The following DKK4 variants were observed in gnomAD, a reference collection of about 807,000 sequenced individuals.
The protein encoded by DKK4 is dickkopf Wnt signaling pathway inhibitor 4.
DKK4 carries 15 observed loss-of-function variants against 14.5 expected under a neutral mutation model. The observed-to-expected ratio is 1.03, with a 90% CI of 0.69 to 1.59. The LOEUF is 1.59. Among genes scored for constraint, DKK4 ranks in the 40% most tolerant of loss-of-function variants. The probability of loss-of-function intolerance (pLI) is 0.00; values close to 1 mark genes in which losing one functional copy is unlikely to be tolerated. For synonymous variants in DKK4, 89 were observed against 105.2 expected, an observed-to-expected ratio of 0.85 and a Z score of 0.94; for missense variants, 272 against 280.3, an observed-to-expected ratio of 0.97 and a Z score of 0.21.
Position 42,374,134 on chromosome 8 carries a change from C to T in DKK4, c.641G>A (p.Arg214Gln), listed in dbSNP as rs202061584. Residue 214 changes from arginine (R) to glutamine (Q), a missense_variant, in exon 4 of 4, where the codon CGA becomes CAA. Arg to Gln is a conservative substitution (Grantham distance 43). Coordinates refer to ENST00000220812, the MANE Select transcript of DKK4 (RefSeq NM_014420.3). The stretch of plus-strand genomic sequence containing the variant: ...TTCTATTTTTTGGCATACTCTTAAT[C>T]GAGCATGCTGCCGATTGCTGGTCAA... Reference protein sequence around the residue: ...SQLTSNRQHARLRVCQKIEKL With the variant: ...SQLTSNRQHAQLRVCQKIEKL 6.2e-6 allele frequency: 10 copies of T among 1,612,616 alleles called. No individual in the cohort carries two copies. The East Asian group carries it at 6.7e-5, about 11-fold the overall frequency.
chr8:42,376,893 G>T, intron 1 of DKK4, 42 bp downstream of exon 1: 1 of 1,516,504 alleles, frequency 6.6e-7, no homozygotes, highest in Non-Finnish European at 9.1e-7. Context: ...CACCCCAGCT[G>T]TCAGCAGTCC....
At chr8:42,374,483 G>T (rs1310539595) in intron 3 of DKK4, 124 bp from the exon 4 acceptor site, 3 of 1,314,904 alleles carry the variant, frequency 2.3e-6, no homozygotes, top group Non-Finnish European at 3.2e-6. Flanking sequence ...GACACAGCAC[G>T]CAGGTCTCAC....
In DKK4 at chr8:42,375,848, T is replaced by C; in HGVS notation, c.112-18A>G. 1 of 1,612,906 alleles carries C rather than the reference T, an allele frequency of 6.2e-7. No individual in the cohort carries two copies. The highest frequency in any genetic ancestry group is 8.5e-7 in the Non-Finnish European group (1 of 1,179,408). On this transcript the variant is annotated intron_variant, in intron 1 of 3. Coordinates refer to ENST00000220812, the MANE Select transcript of DKK4 (RefSeq NM_014420.3). ...TGTGAGCCCTGTGGAGGGAATCTGTTATCACAAGGCTAGGAAACCCCCAAC... is the reference window on the plus strand; with the variant it reads ...TGTGAGCCCTGTGGAGGGAATCTGTCATCACAAGGCTAGGAAACCCCCAAC...
the DKK4 span, among the ~76,000 whole-genome samples, chr8:42,389,883 C>T: frequency 6.6e-6 from 1 of 151,092 alleles, no homozygotes; most frequent in East Asian, 1.9e-4. Context: ...CCAACGTACA[C>T]TATCCTTAGA....
At chr8:42,383,829 G>A in the DKK4 span, among the ~76,000 whole-genome samples, 1 of 152,128 alleles carries the variant, frequency 6.6e-6, no homozygotes, top group East Asian at 1.9e-4. Context: ...TGTAATCCCC[G>A]CTACTCAGGA....
chr8:42,380,804 AAAGGAAGGAAGG>A (rs71221208), upstream of DKK4, among the ~76,000 whole-genome samples: 100 of 138,240 alleles, frequency 7.2e-4, no homozygotes, highest in African/African-American at 2.5e-3. Flanking sequence ...AAGAAAAAGA[AAAGGAAGGAAGG>A]AAGGAAGGAA....
the DKK4 span, among the ~76,000 whole-genome samples, chr8:42,386,560 C>T: frequency 6.6e-6 from 1 of 152,086 alleles, no homozygotes; most frequent in Non-Finnish European, 1.5e-5. Context: ...GGCGCCATCT[C>T]GGCTCACTGT....
At chr8:42,384,879 A>T in the DKK4 span, among the ~76,000 whole-genome samples, 1 of 152,204 alleles carries the variant, frequency 6.6e-6, no homozygotes, top group African/African-American at 2.4e-5. Flanking sequence ...TAAAATCACA[A>T]GGAACACTGC....
chr8:42,382,651 C>A, the DKK4 span, among the ~76,000 whole-genome samples: 1 of 152,192 alleles, frequency 6.6e-6, no homozygotes, highest in South Asian at 2.1e-4. Flanking sequence ...AGCCGTCGTG[C>A]GAAGTTCTGG....
upstream of DKK4, among the ~76,000 whole-genome samples, chr8:42,380,049 A>G (rs1824644836): frequency 6.6e-6 from 1 of 152,074 alleles, no homozygotes; most frequent in Admixed American, 6.6e-5. Context: ...AAAAAATAAA[A>G]AACCTGGGCA....
chr8:42,375,883 G>T, intron 1 of DKK4, 53 bp from the exon 2 acceptor site: 6 of 1,595,836 alleles, frequency 3.8e-6, no homozygotes, highest in Non-Finnish European at 5.1e-6. Flanking sequence ...CACGATGGAA[G>T]ATGACTTATT....
the DKK4 span, among the ~76,000 whole-genome samples, chr8:42,384,863 A>T: frequency 6.6e-6 from 1 of 152,234 alleles, no homozygotes; most frequent in African/African-American, 2.4e-5. Flanking sequence ...GTTGATGAAA[A>T]CAACATAAAA....
the DKK4 span, among the ~76,000 whole-genome samples, chr8:42,391,273 C>G: frequency 6.6e-6 from 1 of 151,354 alleles, no homozygotes; most frequent in East Asian, 1.9e-4. Flanking sequence ...GGCCTGTGAT[C>G]CCAGCACTCT....
In DKK4 at chr8:42,377,034, G is replaced by A. The variant is rs770378273; in HGVS notation, c.12C>T (p.Ala4=). MVA[A]VLLGLSWLCS... ...AGAGCCAGCTCAGCCCCAGCAGGAC[G>A]GCCGCCACCATCCTTCAATCCCGGG... Residue 4 remains alanine (A), a synonymous_variant, in exon 1 of 4, where the codon GCC becomes GCT. Transcript: ENST00000220812. 12 of 1,612,534 alleles carry A rather than the reference G, an allele frequency of 7.4e-6. No individual in the cohort carries two copies. Among genetic ancestry groups the A allele is most frequent in the East Asian group, 6.7e-5 (3 of 44,888 alleles).
Position 42,374,923 on chromosome 8 carries a change from A to C in DKK4, c.263-10T>G. 1 of 1,614,034 alleles carries C rather than the reference A, an allele frequency of 6.2e-7. No individual in the cohort carries two copies. ...ATCGTAGTACAAACATCTGAGGGACAACCAGGTGTAACTAGAATTATTAAC... is the reference window on the plus strand; with the variant it reads ...ATCGTAGTACAAACATCTGAGGGACCACCAGGTGTAACTAGAATTATTAAC... On this transcript the variant is annotated splice_polypyrimidine_tract_variant and intron_variant, in intron 2 of 3. Coordinates refer to ENST00000220812, the MANE Select transcript of DKK4 (RefSeq NM_014420.3).
At chr8:42,374,475 C>T in intron 3 of DKK4, 116 bp from the exon 4 acceptor site, 2 of 1,376,386 alleles carry the variant, frequency 1.5e-6, no homozygotes, top group Admixed American at 2.2e-5. Flanking sequence ...TAAAAACAGA[C>T]ACAGCACGCA....
At chr8:42,388,450 G>A in the DKK4 span, among the ~76,000 whole-genome samples, 2 of 151,610 alleles carry the variant, frequency 1.3e-5, no homozygotes, top group African/African-American at 4.9e-5. Flanking sequence ...GGCTGGTCTC[G>A]AACTCCTTAT....
chr8:42,390,682 T>C, the DKK4 span, among the ~76,000 whole-genome samples: 3 of 152,218 alleles, frequency 2.0e-5, no homozygotes, highest in Non-Finnish European at 4.4e-5. Flanking sequence ...GCCTTTTTCC[T>C]AATCTTTCAT....
chr8:42,390,068 A>C, the DKK4 span, among the ~76,000 whole-genome samples: 16 of 151,810 alleles, frequency 1.1e-4, no homozygotes, highest in Non-Finnish European at 2.2e-4. Flanking sequence ...AATTTTCTGT[A>C]TTTTTACTAG....
Sources: allele counts gnomAD v4.1 joint callset (sites outside exome capture counted in the v4.1 genomes callset), GRCh38; gene constraint gnomAD v4.1.1; transcripts MANE v1.5; gene names NCBI Gene and HGNC (gene_info 2026-07-23, HGNC 2026-07-21).